SAMD5: variants seen among roughly 807,000 people sequenced by gnomAD.
SAMD5 encodes sterile alpha motif domain containing 5.
SAMD5 carries 13 observed loss-of-function variants against 11.3 expected under a neutral mutation model. The observed-to-expected ratio is 1.15, with a 90% confidence interval of 0.75 to 1.83. The LOEUF is 1.83. Ranked by LOEUF, SAMD5 falls within the 40% of genes most tolerant of loss-of-function variation. SAMD5 has a pLI of 0.00. For missense variants in SAMD5, 255 were observed against 239.1 expected, an observed-to-expected ratio of 1.07 and a Z score of -0.44; for synonymous variants, 129 against 111.3, an observed-to-expected ratio of 1.16 and a Z score of -1.00.
At chr6:147,794,754 G>A in the SAMD5 span, among the ~76,000 whole-genome samples, 1 of 152,098 alleles carries the variant, frequency 6.6e-6, no homozygotes, top group Admixed American at 6.5e-5. Flanking sequence ...AAGAACAGAT[G>A]TACAATATTT....
chr6:147,563,632 C>T (rs113547058), intron 1 of SAMD5, among the ~76,000 whole-genome samples: 3 of 152,312 alleles, frequency 2.0e-5, no homozygotes, highest in African/African-American at 7.2e-5. Flanking sequence ...TCTACTGCTG[C>T]CTTTCAATTT....
the SAMD5 span, among the ~76,000 whole-genome samples, chr6:147,829,707 A>G: frequency 6.6e-6 from 1 of 152,048 alleles, no homozygotes; most frequent in Non-Finnish European, 1.5e-5. Flanking sequence ...GGTGTTCTCC[A>G]GGTGGATGGA....
At chr6:147,640,846 C>T (rs1790302202) in intron 1 of SAMD5, among the ~76,000 whole-genome samples, 1 of 152,208 alleles carries the variant, frequency 6.6e-6, no homozygotes, top group African/African-American at 2.4e-5. Flanking sequence ...AAAGTTAGAC[C>T]TGAGGACTTT....
At chr6:147,789,315 A>G in the SAMD5 span, among the ~76,000 whole-genome samples, 43 of 148,474 alleles carry the variant, frequency 2.9e-4, no homozygotes, top group African/African-American at 5.9e-4. Context: ...ACACACACAC[A>G]CACAGTCAAA....
At chr6:147,686,396 T>C (rs1233517768) in intron 1 of SAMD5, among the ~76,000 whole-genome samples, 3 of 152,196 alleles carry the variant, frequency 2.0e-5, no homozygotes, top group South Asian at 4.1e-4. Context: ...CTAAATGCCA[T>C]ATTGTCATGC....
the SAMD5 span, among the ~76,000 whole-genome samples, chr6:147,904,830 G>T: frequency 6.6e-6 from 1 of 151,362 alleles, no homozygotes; most frequent in East Asian, 1.9e-4. Flanking sequence ...ACTCATATGT[G>T]ATATTCTTCA....
At chr6:147,817,133 A>G in the SAMD5 span, among the ~76,000 whole-genome samples, 1 of 152,080 alleles carries the variant, frequency 6.6e-6, no homozygotes, top group South Asian at 2.1e-4. Context: ...TCATCATCAG[A>G]CTTAAATGTT....
At chr6:147,661,988 C>T (rs1190278742) in intron 1 of SAMD5, among the ~76,000 whole-genome samples, 2 of 152,166 alleles carry the variant, frequency 1.3e-5, no homozygotes, top group African/African-American at 4.8e-5. Flanking sequence ...CACGGTTGCC[C>T]ATTCTGTAGC....
At chr6:147,539,598 T>C (rs1476151953) in intron 1 of SAMD5, among the ~76,000 whole-genome samples, 1 of 152,092 alleles carries the variant, frequency 6.6e-6, no homozygotes, top group Non-Finnish European at 1.5e-5. Context: ...TTTTGTTTTT[T>C]TTCCCAAAAT....
the SAMD5 span, among the ~76,000 whole-genome samples, chr6:147,851,712 T>A: frequency 1.3e-5 from 2 of 152,256 alleles, no homozygotes; most frequent in Middle Eastern, 3.4e-3. Context: ...TTTAAAAAAA[T>A]TTTGAGAATA....
the SAMD5 span, among the ~76,000 whole-genome samples, chr6:147,922,259 ATTTCC>A: frequency 6.6e-6 from 1 of 152,018 alleles, no homozygotes; most frequent in African/African-American, 2.4e-5. Context: ...GAGCAAACCG[ATTTCC>A]ACTGCTTATT....
At chr6:147,861,299 G>A in the SAMD5 span, among the ~76,000 whole-genome samples, 5 of 151,976 alleles carry the variant, frequency 3.3e-5, no homozygotes, top group African/African-American at 4.8e-5. Context: ...CCAGTAGCTG[G>A]GATTACAGGT....
chr6:147,523,125 T>C (rs1396243433), intron 1 of SAMD5, among the ~76,000 whole-genome samples: 1 of 151,990 alleles, frequency 6.6e-6, no homozygotes, highest in Non-Finnish European at 1.5e-5. Context: ...ACCCCAGACC[T>C]TTCAGTGAAA....
At chr6:147,899,260 C>G in the SAMD5 span, among the ~76,000 whole-genome samples, 4 of 151,372 alleles carry the variant, frequency 2.6e-5, no homozygotes, top group African/African-American at 9.7e-5. Flanking sequence ...TAATGACCAG[C>G]CTTGGGAACC....
At chr6:147,745,673 T>C in the SAMD5 span, among the ~76,000 whole-genome samples, 1 of 152,142 alleles carries the variant, frequency 6.6e-6, no homozygotes, top group African/African-American at 2.4e-5. Flanking sequence ...CATTACATGT[T>C]AATTACACCC....
chr6:147,547,270 G>A (rs1788701276), intron 1 of SAMD5, among the ~76,000 whole-genome samples: 1 of 152,178 alleles, frequency 6.6e-6, no homozygotes, highest in Non-Finnish European at 1.5e-5. Context: ...AGTTCTGTGG[G>A]TGAGAATTCT....
At chr6:147,791,793 C>T in the SAMD5 span, among the ~76,000 whole-genome samples, 1 of 152,052 alleles carries the variant, frequency 6.6e-6, no homozygotes, top group African/African-American at 2.4e-5. Context: ...ACATTATGAT[C>T]GGTTGCTCTC....
At chr6:147,669,355 C>G (rs1281767649) in intron 1 of SAMD5, among the ~76,000 whole-genome samples, 1 of 151,234 alleles carries the variant, frequency 6.6e-6, no homozygotes, top group African/African-American at 2.4e-5. Flanking sequence ...TAAGAAGCAA[C>G]TCCTTATCCA....
chr6:147,643,250 A>T (rs532812755), intron 1 of SAMD5, among the ~76,000 whole-genome samples: 1 of 152,254 alleles, frequency 6.6e-6, no homozygotes, highest in East Asian at 1.9e-4. Flanking sequence ...TAACTCAAAT[A>T]TGCTTTTTTT....
Sources: gnomAD v4.1 joint callset for allele counts (sites outside exome capture counted in the v4.1 genomes callset) on GRCh38, gnomAD v4.1.1 for gene constraint, MANE v1.5 for transcripts, NCBI Gene and HGNC (gene_info 2026-07-23, HGNC 2026-07-21) for gene names.